ABI3BP: variants seen among roughly 807,000 people sequenced by gnomAD.
ABI3BP encodes the protein ABI family member 3 binding protein.
Under a neutral mutation model 268.6 loss-of-function variants are expected in ABI3BP, and 216 were observed. That is an observed-to-expected ratio of 0.80 (90% CI 0.72 to 0.90). The LOEUF (loss-of-function observed/expected upper bound fraction) is 0.90, where lower values mean the gene tolerates loss of function less well. Ranked by LOEUF, ABI3BP falls within the 40% of genes least tolerant of loss-of-function variation. The pLI, the probability that ABI3BP is intolerant of heterozygous loss-of-function variation, is 0.00. For synonymous variants in ABI3BP, 730 were observed against 730.0 expected (o/e 1.00, Z 0.00); for missense variants, 2,090 against 2,182.4 (o/e 0.96, Z 0.84).
chr3:100,825,841 G>C lies in ABI3BP; in HGVS notation c.2606C>G (p.Pro869Arg). 6.5e-7 allele frequency: 1 copy of C among 1,533,830 alleles called. No individual in the cohort carries two copies. Among genetic ancestry groups the C allele is most frequent in the Non-Finnish European group, 8.7e-7 (1 of 1,144,872 alleles). ...IKEAPGTTFV[P>R]VTDLEPVTFR... ...AGTAACAGGCTCGAGGTCTGTAACAGGAACTGAAGTAATAAGATAAACAAA... is the reference window on the plus strand; with the variant it reads ...AGTAACAGGCTCGAGGTCTGTAACACGAACTGAAGTAATAAGATAAACAAA... Residue 869 changes from proline to arginine, a missense_variant, in exon 35 of 68, where the codon CCT becomes CGT. Transcript: ENST00000471714.
chr3:100,833,181 C>T lies in ABI3BP; in HGVS notation c.2282-24G>A, dbSNP rs1320377168. ...GTCTGTAGCAAGAAATGATCAAAAG[C>T]AATTTTAAAAAGAAATAAATGTTAA... On this transcript the variant is annotated intron_variant, in intron 29 of 67. Transcript: ENST00000471714. 5.9e-6 allele frequency: 9 copies of T among 1,528,558 alleles called. No homozygotes were observed. The South Asian group carries it at 1.1e-4, about 18-fold the overall frequency. 94.7% of individuals were successfully genotyped at this position (1,528,558 alleles called of 1,614,324 possible).
At chr3:100,779,752 G>C (rs777014231) in intron 58 of ABI3BP, among the ~76,000 whole-genome samples, 1 of 151,498 alleles carries the variant, frequency 6.6e-6, no homozygotes, top group Admixed American at 6.6e-5. Flanking sequence ...CTTAAATCAG[G>C]AACATAAGTA....
Position 100,796,484 on chromosome 3 carries a change from T to A in ABI3BP, c.3758-16A>T. The A allele has an allele frequency of 1.9e-6, 3 of 1,589,602 alleles. No individual in the cohort carries two copies. The highest frequency in any genetic ancestry group is 2.6e-6 in the Non-Finnish European group (3 of 1,164,696). On this transcript the variant is annotated splice_polypyrimidine_tract_variant and intron_variant, in intron 51 of 67. Coordinates refer to ENST00000471714, the MANE Select transcript of ABI3BP (RefSeq NM_001375547.2). ...TCTTTTGGAGCTGAAAGAAAAAGAT[T>A]ATAAAACACTGCATACTCTAAATAA...
rs2084001918 is a variant in ABI3BP, at chr3:100,972,323, TA to T, written c.79+20982del. Among the ~76,000 whole-genome samples the T allele has an allele frequency of 2.0e-5, 3 of 152,162 alleles. No homozygotes were observed. The South Asian group carries it at 6.2e-4, about 31-fold the overall frequency. On this transcript the variant is annotated intron_variant, in intron 1 of 67. Transcript: ENST00000471714. ...ATAAACTAGTGCTAGCAAATATTTATAAAGTACTTTTAAGATGTGAAAATTA... is the reference window on the plus strand; with the variant it reads ...ATAAACTAGTGCTAGCAAATATTTATAAGTACTTTTAAGATGTGAAAATTA...
At chr3:100,867,640 CAAAAAAAAA>C (rs5851230) in intron 9 of ABI3BP, among the ~76,000 whole-genome samples, 2 of 64,228 alleles carry the variant, frequency 3.1e-5, no homozygotes, top group East Asian at 8.9e-4. Context: ...GACCCCGTCT[CAAAAAAAAA>C]AAAAAAAAAA....
rs188629851 is a variant in ABI3BP at position 100,980,682 on chromosome 3, T to C, written c.79+12624A>G. Among the ~76,000 whole-genome samples the C allele has an allele frequency of 2.6e-3, 391 of 152,230 alleles. 1 individual carries two copies. Among genetic ancestry groups the C allele is most frequent in the African/African-American group, 8.9e-3 (371 of 41,528 alleles). ...CAAAGAAGACAGCCAGCCAGAGAAATGGAGATCAAAGAAAGAGGTTTATAT... is the reference window on the plus strand; with the variant it reads ...CAAAGAAGACAGCCAGCCAGAGAAACGGAGATCAAAGAAAGAGGTTTATAT... On this transcript the variant is annotated intron_variant, in intron 1 of 67. Coordinates refer to ENST00000471714, the MANE Select transcript of ABI3BP (RefSeq NM_001375547.2).
intron 50 of ABI3BP, among the ~76,000 whole-genome samples, 175 bp downstream of exon 50, chr3:100,807,986 T>C (rs1052070317): frequency 7.9e-5 from 12 of 152,152 alleles, no homozygotes; most frequent in South Asian, 2.1e-4. Context: ...CTTCCAATGA[T>C]GTACTTTTTT....
chr3:100,962,920 C>T (rs1278427514), intron 1 of ABI3BP, among the ~76,000 whole-genome samples: 1 of 152,130 alleles, frequency 6.6e-6, no homozygotes, highest in African/African-American at 2.4e-5. Flanking sequence ...AGGAAACAGC[C>T]TACTCAGCAC....
intron 12 of ABI3BP, 143 bp from the exon 13 acceptor site, chr3:100,863,052 A>C (rs2099014818): frequency 1.7e-6 from 1 of 600,078 alleles, no homozygotes; most frequent in Non-Finnish European, 2.9e-6. Context: ...TCTTACATCT[A>C]TGTTTCAATG....
intron 9 of ABI3BP, among the ~76,000 whole-genome samples, chr3:100,871,079 A>T (rs1274294516): frequency 6.6e-6 from 1 of 152,190 alleles, no homozygotes; most frequent in Non-Finnish European, 1.5e-5. Context: ...TTGCAGATGC[A>T]TAGGATGAAT....
chr3:100,943,171 A>G (rs993877647), intron 1 of ABI3BP, among the ~76,000 whole-genome samples: 9 of 152,052 alleles, frequency 5.9e-5, no homozygotes, highest in African/African-American at 2.2e-4. Context: ...AATTTTAAAC[A>G]TACAAAAACT....
intron 10 of ABI3BP, among the ~76,000 whole-genome samples, chr3:100,865,254 T>A (rs183280597): frequency 1.3e-5 from 2 of 152,336 alleles, no homozygotes; most frequent in Non-Finnish European, 2.9e-5. Flanking sequence ...TATAGTTTAT[T>A]ACTTTTTAAA....
At chr3:100,844,197 T>C in intron 20 of ABI3BP, 1 of 985,434 alleles carries the variant, frequency 1.0e-6, no homozygotes, top group Non-Finnish European at 1.2e-6. Context: ...CTCACATGTG[T>C]GTAGGAATGA....
At chr3:100,993,028 G>T (rs1451500624) in intron 1 of ABI3BP, among the ~76,000 whole-genome samples, 1 of 152,172 alleles carries the variant, frequency 6.6e-6, no homozygotes, top group East Asian at 1.9e-4. Flanking sequence ...CAATACACAA[G>T]CACTATAGTT....
intron 1 of ABI3BP, among the ~76,000 whole-genome samples, chr3:100,957,499 G>A (rs549346287): frequency 3.3e-5 from 5 of 152,296 alleles, no homozygotes; most frequent in African/African-American, 1.2e-4. Flanking sequence ...CAGGGCTAGA[G>A]ATATAAATTT....
At chr3:100,883,315 A>C (rs1581816869) in intron 6 of ABI3BP, among the ~76,000 whole-genome samples, 1 of 152,126 alleles carries the variant, frequency 6.6e-6, no homozygotes, top group South Asian at 2.1e-4. Context: ...TGGTTAAGGA[A>C]ATTTCATGAG....
chr3:100,881,588 T>C lies in ABI3BP; in HGVS notation c.696+3948A>G, dbSNP rs115168753. On this transcript the variant is annotated intron_variant, in intron 6 of 67. Coordinates refer to ENST00000471714, the MANE Select transcript of ABI3BP (RefSeq NM_001375547.2). The stretch of plus-strand genomic sequence containing the variant: ...AGAAAATGTATGAAAATATTAGCCA[T>C]CATTCTTTATTTTTTAAAATAATAA... Among the ~76,000 whole-genome samples, 1,382 of 152,178 alleles carry C rather than the reference T, an allele frequency of 9.1e-3. 16 individuals carry two copies. The highest frequency in any genetic ancestry group is 0.031 in the African/African-American group (1,289 of 41,512).
At chr3:100,865,339 A>T (rs2099039279) in intron 10 of ABI3BP, among the ~76,000 whole-genome samples, 1 of 152,186 alleles carries the variant, frequency 6.6e-6, no homozygotes, top group Admixed American at 6.5e-5. Flanking sequence ...TGAAAGGATG[A>T]CTCTGGGCTA....
chr3:100,835,237 G>T (rs1364136691), intron 28 of ABI3BP, among the ~76,000 whole-genome samples: 2 of 152,166 alleles, frequency 1.3e-5, no homozygotes, highest in African/African-American at 2.4e-5. Context: ...TAAAACAACA[G>T]AAAGTAAGAT....
Sources: gnomAD v4.1 joint callset for allele counts (sites outside exome capture counted in the v4.1 genomes callset) on GRCh38, gnomAD v4.1.1 for gene constraint, MANE v1.5 for transcripts, NCBI Gene and HGNC (gene_info 2026-07-23, HGNC 2026-07-21) for gene names.